The following NFATC1 variants were observed in gnomAD, a reference collection of about 807,000 sequenced individuals.
The protein encoded by NFATC1 is nuclear factor of activated T cells 1, also known as nuclear factor of activated T-cells, cytoplasmic 1.
In NFATC1, 22 loss-of-function variants were observed where a neutral mutation model predicts 76.0. The ratio of observed to expected loss-of-function variants is 0.29; its 90% CI spans 0.21 to 0.41. The LOEUF (loss-of-function observed/expected upper bound fraction) is 0.41, where lower values mean the gene tolerates loss of function less well. Ranked by LOEUF, NFATC1 falls within the 10% of genes least tolerant of loss-of-function variation. NFATC1 has a pLI of 1.00. For synonymous variants in NFATC1, 704 were observed against 613.1 expected, an observed-to-expected ratio of 1.15 and a Z score of -2.19; for missense variants, 1,357 against 1,337.7, an observed-to-expected ratio of 1.01 and a Z score of -0.23.
intron 2 of NFATC1, among the ~76,000 whole-genome samples, chr18:79,426,015 C>T (rs954600001): frequency 6.6e-6 from 1 of 152,222 alleles, no homozygotes; most frequent in African/African-American, 2.4e-5. Context: ...AGTTTGAGAC[C>T]GCCCTGGGCA....
chr18:79,517,869 TA>T (rs1329634835), intron 9 of NFATC1, among the ~76,000 whole-genome samples: 2 of 152,258 alleles, frequency 1.3e-5, no homozygotes, highest in Non-Finnish European at 2.9e-5. Context: ...ATATGCTTTT[TA>T]AAAATTGACA....
In NFATC1 at chr18:79,472,358, G is replaced by A. The variant is rs2088822160; in HGVS notation, c.2092+4776G>A. On this transcript the variant is annotated intron_variant, in intron 8 of 9. Transcript: ENST00000427363. ...GAGGGGCTCAGAGCACCCCACAAGG[G>A]ATCCGCCTGATTGCAGACAAGCAGT... 3.3e-5 allele frequency among the ~76,000 whole-genome samples: 5 copies of A among 152,268 alleles called. 1 individual carries two copies. In the Middle Eastern group the frequency reaches 0.017, roughly 518 times the overall value.
intron 6 of NFATC1, among the ~76,000 whole-genome samples, chr18:79,455,345 C>T (rs1600767519): frequency 6.6e-6 from 1 of 152,252 alleles, no homozygotes; most frequent in South Asian, 2.1e-4. Context: ...TTTCTGTGGC[C>T]GCCGTGACTG....
chr18:79,397,532 C>T (rs371540367), intron 1 of NFATC1, among the ~76,000 whole-genome samples: 2 of 152,170 alleles, frequency 1.3e-5, no homozygotes, highest in African/African-American at 4.8e-5. Context: ...CTTCACGGGA[C>T]GGGAGGTAGA....
chr18:79,451,835 G>A lies in NFATC1; in HGVS notation c.1903+19G>A. The A allele has an allele frequency of 1.3e-6, 2 of 1,589,856 alleles. No homozygotes were observed. Among genetic ancestry groups the A allele is most frequent in the Non-Finnish European group, 1.7e-6 (2 of 1,166,288 alleles). ...GCCCCAGGTATGCTCTTCACCAGGG[G>A]CCATCTGCGGCCTGGGCTTCGGCGC... On this transcript the variant is annotated intron_variant, in intron 6 of 9. Coordinates refer to ENST00000427363, the MANE Select transcript of NFATC1 (RefSeq NM_001278669.2).
At chr18:79,401,279 C>A (rs1260521050) in intron 1 of NFATC1, among the ~76,000 whole-genome samples, 7 of 151,984 alleles carry the variant, frequency 4.6e-5, no homozygotes, top group African/African-American at 1.7e-4. Context: ...GAGGTGAAGC[C>A]GGAGGAGCTT....
chr18:79,416,214 C>T (rs1286043910), intron 2 of NFATC1, among the ~76,000 whole-genome samples: 1 of 152,246 alleles, frequency 6.6e-6, no homozygotes, highest in Non-Finnish European at 1.5e-5. Context: ...CATAAGTTAT[C>T]TGAAAGTTTC....
chr18:79,430,201 T>C (rs2086541276), intron 2 of NFATC1, among the ~76,000 whole-genome samples: 1 of 152,268 alleles, frequency 6.6e-6, no homozygotes, highest in South Asian at 2.1e-4. Context: ...AATAGTCAGC[T>C]GCAGAGTGGT....
chr18:79,499,693 A>G (rs780754189), intron 9 of NFATC1, among the ~76,000 whole-genome samples: 93 of 152,348 alleles, frequency 6.1e-4, no homozygotes, highest in Admixed American at 5.6e-3. Flanking sequence ...ATAAAGAGAT[A>G]CTGTGCAATA....
At chr18:79,503,564 G>A (rs910742178) in intron 9 of NFATC1, among the ~76,000 whole-genome samples, 3 of 152,174 alleles carry the variant, frequency 2.0e-5, no homozygotes, top group Non-Finnish European at 4.4e-5. Flanking sequence ...CGCTCCATGG[G>A]TGGCGCACAG....
chr18:79,478,978 C>A (rs1284715949), intron 8 of NFATC1, among the ~76,000 whole-genome samples: 1 of 152,214 alleles, frequency 6.6e-6, no homozygotes, highest in Non-Finnish European at 1.5e-5. Flanking sequence ...CAGACAGTCC[C>A]CATGGACGCT....
intron 6 of NFATC1, among the ~76,000 whole-genome samples, chr18:79,454,738 G>A (rs939434855): frequency 2.0e-5 from 3 of 152,098 alleles, no homozygotes; most frequent in Non-Finnish European, 4.4e-5. Context: ...GTTCTTCCAG[G>A]AGGCAGGTTG....
rs527278438 is a variant in NFATC1 at position 79,396,194 on chromosome 18, C to G, written c.-31C>G. On this transcript the variant is annotated 5_prime_UTR_variant, in exon 1 of 10. Transcript: ENST00000427363. ...CGGCCGCTTCTCCTGTGCCTCCGCCCGCCGCTCCACTCCCCGCCGCCGCCG... is the reference window on the plus strand; with the variant it reads ...CGGCCGCTTCTCCTGTGCCTCCGCCGGCCGCTCCACTCCCCGCCGCCGCCG... The G allele has an allele frequency of 6.9e-7, 1 of 1,454,522 alleles. No individual in the cohort carries two copies. The highest frequency in any genetic ancestry group is 1.3e-5 in the South Asian group (1 of 77,628). 90.1% of individuals were successfully genotyped at this position (1,454,522 alleles called of 1,614,324 possible). A position where few individuals can be genotyped will look rare whatever the true frequency, so the allele number is the denominator to read the frequency against.
intron 9 of NFATC1, among the ~76,000 whole-genome samples, chr18:79,520,650 G>GT (rs1157313315): frequency 3.5e-5 from 2 of 56,650 alleles, no homozygotes; most frequent in African/African-American, 1.5e-4. Flanking sequence ...CTGTGTGTCG[G>GT]GGGGGGCATC....
chr18:79,509,965 A>G (rs2090204518), intron 9 of NFATC1, among the ~76,000 whole-genome samples: 4 of 152,262 alleles, frequency 2.6e-5, no homozygotes, highest in Admixed American at 2.6e-4. Flanking sequence ...TGGTGCAGCC[A>G]TAAAGCCTCG....
At position 79,410,636 on chromosome 18, in the gene NFATC1, G is replaced by A. The variant is rs1329795534; in HGVS notation, c.361G>A (p.Glu121Lys). The change falls in exon 2 of 10, where the codon GAG (glutamate) becomes AAG (lysine). Residue 121 changes from glutamate (E) to lysine (K), a missense_variant. Glu to Lys is a moderately conservative substitution (Grantham distance 56). Transcript: ENST00000427363. This position sits in a 1 kb window ranked among gnomAD's most constrained non-coding sequence, Gnocchi z 6.7. ...GAPALESPRI[E>K]ITSCLGLYHN... The stretch of plus-strand genomic sequence containing the variant: ...CCCTGCCCTGGAGAGTCCTCGCATC[G>A]AGATAACCTCGTGCTTGGGCCTGTA... 9 of 1,613,180 alleles carry A rather than the reference G, an allele frequency of 5.6e-6. No homozygotes were observed. The highest frequency in any genetic ancestry group is 5.9e-6 in the Non-Finnish European group (7 of 1,180,020).
intron 1 of NFATC1, among the ~76,000 whole-genome samples, chr18:79,399,194 C>T (rs753904921): frequency 3.3e-5 from 5 of 152,250 alleles, no homozygotes; most frequent in Non-Finnish European, 7.3e-5. Context: ...CTCCAACATC[C>T]ATCCCAAAGT....
At chr18:79,476,298 C>T (rs924137164) in intron 8 of NFATC1, among the ~76,000 whole-genome samples, 1 of 152,246 alleles carries the variant, frequency 6.6e-6, no homozygotes, top group Non-Finnish European at 1.5e-5. Context: ...TGGCTCCAGC[C>T]GGAATGGCAA....
At chr18:79,515,080 C>T (rs1397889594) in intron 9 of NFATC1, among the ~76,000 whole-genome samples, 2 of 152,084 alleles carry the variant, frequency 1.3e-5, no homozygotes, top group Non-Finnish European at 2.9e-5. Context: ...CACAGTGGCT[C>T]ACACCTGTAA....
Sources: allele counts gnomAD v4.1 joint callset (sites outside exome capture counted in the v4.1 genomes callset), GRCh38; gene constraint gnomAD v4.1.1; non-coding constraint Gnocchi (gnomAD v3.1); transcripts MANE v1.5; gene names NCBI Gene and HGNC (gene_info 2026-07-23, HGNC 2026-07-21).